Variants in SNCAIP observed in about 807,000 individuals in gnomAD.
The protein encoded by SNCAIP is synphilin-1.
Under a neutral mutation model 86.7 loss-of-function variants are expected in SNCAIP, and 43 were observed. That is an observed-to-expected ratio of 0.50 (90% confidence interval 0.39 to 0.64). The LOEUF (loss-of-function observed/expected upper bound fraction) is 0.64, where lower values mean the gene tolerates loss of function less well. SNCAIP is among the 30% of genes least tolerant of loss of function. SNCAIP has a pLI of 0.00. For missense variants in SNCAIP, 981 were observed against 1,103.1 expected (o/e 0.89, Z 1.57); for synonymous variants, 417 against 427.2 (o/e 0.98, Z 0.29).
Position 122,406,789 on chromosome 5 carries a change from G to A in SNCAIP, c.130+2924G>A, listed in dbSNP as rs561253979. The stretch of plus-strand genomic sequence containing the variant: ...CTTCCTGTACAGCCTGCAGAATCAT[G>A]AGCCAATTAAACCTCCTTTCTTTAT... On this transcript the variant is annotated intron_variant, in intron 3 of 10. Coordinates refer to ENST00000261368, the MANE Select transcript of SNCAIP (RefSeq NM_005460.4). Among the ~76,000 whole-genome samples the A allele has an allele frequency of 6.6e-5, 10 of 152,162 alleles. No individual in the cohort carries two copies. In the South Asian group the frequency reaches 1.7e-3, roughly 25 times the overall value.
chr5:122,336,355 G>C (rs1756460294), intron 1 of SNCAIP, among the ~76,000 whole-genome samples: 1 of 152,194 alleles, frequency 6.6e-6, no homozygotes, highest in Non-Finnish European at 1.5e-5. Context: ...GGGGCTAGGG[G>C]ACTTGTCCAA....
intron 1 of SNCAIP, among the ~76,000 whole-genome samples, chr5:122,332,451 C>A (rs947108316): frequency 8.5e-5 from 13 of 152,146 alleles, no homozygotes; most frequent in Admixed American, 5.2e-4. Flanking sequence ...GCATACCTGC[C>A]AAATCTGTAA....
intron 9 of SNCAIP, among the ~76,000 whole-genome samples, chr5:122,450,311 A>C (rs947410759): frequency 6.6e-6 from 1 of 152,252 alleles, no homozygotes; most frequent in Non-Finnish European, 1.5e-5. Context: ...ACAGTAAAAC[A>C]GACAAATTTA....
chr5:122,383,148 A>G (rs9716452), intron 1 of SNCAIP, among the ~76,000 whole-genome samples: 3 of 152,020 alleles, frequency 2.0e-5, no homozygotes, highest in Non-Finnish European at 4.4e-5. Flanking sequence ...GCCTCGCTGC[A>G]GCCTTGCAGT....
rs531274599 is a variant in SNCAIP, at chr5:122,442,405, C to T, written c.1422+1651C>T. 2.4e-4 allele frequency among the ~76,000 whole-genome samples: 36 copies of T among 152,256 alleles called. No homozygotes were observed. In the East Asian group the frequency reaches 6.6e-3, roughly 28 times the overall value. On this transcript the variant is annotated intron_variant, in intron 7 of 10. Transcript: ENST00000261368. ...CTCTAGAGTGCCTACTCACATGAAA[C>T]TGCTGTTTGGAGAACTCACTTGATA...
intron 1 of SNCAIP, among the ~76,000 whole-genome samples, chr5:122,320,021 C>T (rs1037118811): frequency 1.3e-5 from 2 of 152,210 alleles, no homozygotes; most frequent in African/African-American, 2.4e-5. Context: ...AATTTGGATC[C>T]TCTGTTGGTC....
At chr5:122,387,104 A>G (rs1016377698) in intron 1 of SNCAIP, among the ~76,000 whole-genome samples, 1 of 152,154 alleles carries the variant, frequency 6.6e-6, no homozygotes. Context: ...CCTGAGATCC[A>G]AAAGGGGCCT....
intron 1 of SNCAIP, among the ~76,000 whole-genome samples, chr5:122,333,994 T>C (rs1430064497): frequency 6.6e-6 from 1 of 152,010 alleles, no homozygotes; most frequent in Non-Finnish European, 1.5e-5. Flanking sequence ...AAAGAAGAGA[T>C]CAGCATAGAA....
Position 122,464,121 on chromosome 5 carries a change from A to G in SNCAIP, c.*625A>G, listed in dbSNP as rs902847534. The stretch of plus-strand genomic sequence containing the variant: ...TGTTCTGATTTCTAAGGGACTTTGC[A>G]AGTATTTTGATTGCTGATATTTGAT... On this transcript the variant is annotated 3_prime_UTR_variant, in exon 11 of 11. Coordinates refer to ENST00000261368, the MANE Select transcript of SNCAIP (RefSeq NM_005460.4). 5 of 152,216 alleles carry G rather than the reference A, an allele frequency of 3.3e-5. No homozygotes were observed. Among genetic ancestry groups the G allele is most frequent in the Non-Finnish European group, 1.5e-5 (1 of 68,040 alleles). The allele number at this position is 152,216 out of a possible 1,614,324, so 9.4% of individuals were successfully genotyped here.
chr5:122,314,089 A>C (rs1751214611), intron 1 of SNCAIP, among the ~76,000 whole-genome samples: 1 of 152,230 alleles, frequency 6.6e-6, no homozygotes, highest in South Asian at 2.1e-4. Flanking sequence ...AAGCAAATGC[A>C]TTTCTCTGTC....
intron 1 of SNCAIP, among the ~76,000 whole-genome samples, chr5:122,352,994 G>A (rs534591941): frequency 3.9e-5 from 6 of 152,162 alleles, no homozygotes; most frequent in South Asian, 4.1e-4. Context: ...TTTGATACAC[G>A]TACATACAAA....
chr5:122,450,628 G>C lies in SNCAIP; in HGVS notation c.1781G>C (p.Gly594Ala), dbSNP rs1783523041. The C allele has an allele frequency of 6.2e-7, 1 of 1,613,562 alleles. No homozygotes were observed. The highest frequency in any genetic ancestry group is 1.3e-5 in the African/African-American group (1 of 74,898). The change falls in exon 10 of 11, where the codon GGG (glycine) becomes GCG (alanine). Residue 594 changes from glycine to alanine, a missense_variant. Physicochemically the swap from Gly to Ala is moderately conservative, Grantham distance 60. Coordinates refer to ENST00000261368, the MANE Select transcript of SNCAIP (RefSeq NM_005460.4). The part of the protein sequence containing the change: ...VAKSKPGVQE[G>A]IQVLGSLSAS... ...AAAAGCAAGCCAGGAGTCCAAGAGG[G>C]GATTCAGGTTCTTGGAAGCCTGTCA... is the stretch of plus-strand genomic sequence containing the variant.
intron 1 of SNCAIP, among the ~76,000 whole-genome samples, chr5:122,390,208 C>A (rs1308727002): frequency 6.6e-6 from 1 of 152,160 alleles, no homozygotes; most frequent in Non-Finnish European, 1.5e-5. Flanking sequence ...GAAGCAGAGG[C>A]TGATTTTGCT....
chr5:122,392,093 C>G (rs371975563), intron 2 of SNCAIP, among the ~76,000 whole-genome samples: 59 of 152,296 alleles, frequency 3.9e-4, no homozygotes, highest in African/African-American at 1.4e-3. Flanking sequence ...TTAAAATTGT[C>G]TCAAAATGAT....
intron 3 of SNCAIP, among the ~76,000 whole-genome samples, chr5:122,415,238 T>G (rs1480761416): frequency 1.3e-5 from 2 of 152,188 alleles, no homozygotes; most frequent in Non-Finnish European, 2.9e-5. Context: ...AGCTGAGAGT[T>G]CAGGCCATGG....
At chr5:122,385,114 C>G (rs1384594016) in intron 1 of SNCAIP, among the ~76,000 whole-genome samples, 2 of 152,172 alleles carry the variant, frequency 1.3e-5, no homozygotes, top group African/African-American at 4.8e-5. Flanking sequence ...TCTCCAAGGT[C>G]TAGATTGGGT....
chr5:122,384,308 A>G (rs927646052), intron 1 of SNCAIP, among the ~76,000 whole-genome samples: 5 of 152,192 alleles, frequency 3.3e-5, no homozygotes, highest in African/African-American at 1.2e-4. Context: ...ATGATTGCAA[A>G]TTACAAATTA....
At chr5:122,401,962 G>C (rs965080113) in intron 2 of SNCAIP, among the ~76,000 whole-genome samples, 1 of 152,122 alleles carries the variant, frequency 6.6e-6, no homozygotes, top group Non-Finnish European at 1.5e-5. Flanking sequence ...ACAGATAGCA[G>C]CTCACCCATT....
intron 10 of SNCAIP, among the ~76,000 whole-genome samples, chr5:122,462,170 T>G (rs956911461): frequency 6.6e-6 from 1 of 152,194 alleles, no homozygotes; most frequent in Non-Finnish European, 1.5e-5. Flanking sequence ...GCTATCATCT[T>G]CAGAAGTACA....
Sources: allele counts gnomAD v4.1 joint callset (sites outside exome capture counted in the v4.1 genomes callset), GRCh38; gene constraint gnomAD v4.1.1; transcripts MANE v1.5; gene names NCBI Gene and HGNC (gene_info 2026-07-23, HGNC 2026-07-21).